Variants in ASB3 observed in about 807,000 individuals in gnomAD.
ASB3 encodes the protein ankyrin repeat and SOCS box containing 3.
ASB3 carries 41 observed loss-of-function variants against 54.5 expected under a neutral mutation model. That is an observed-to-expected ratio of 0.75 (90% CI 0.59 to 0.98). The LOEUF (loss-of-function observed/expected upper bound fraction) is 0.98. ASB3 is among the 50% of genes least tolerant of loss of function. ASB3 has a pLI of 0.00. For synonymous variants in ASB3, 266 were observed against 221.2 expected (o/e 1.20, Z -1.80); for missense variants, 733 against 620.0 (o/e 1.18, Z -1.94).
intron 9 of ASB3, among the ~76,000 whole-genome samples, chr2:53,670,954 GATCTGTTA>G (rs1286713949): frequency 6.6e-6 from 1 of 152,156 alleles, no homozygotes; most frequent in East Asian, 1.9e-4. Context: ...AAATTCTAAA[GATCTGTTA>G]ATACCTGCAC....
chr2:53,688,208 T>C (rs1240803700), intron 9 of ASB3, among the ~76,000 whole-genome samples: 1 of 152,244 alleles, frequency 6.6e-6, no homozygotes, highest in Non-Finnish European at 1.5e-5. Flanking sequence ...GGTTATGCTA[T>C]GCTAACAAAT....
intron 2 of ASB3, among the ~76,000 whole-genome samples, chr2:53,761,811 C>G (rs1203478512): frequency 6.6e-6 from 1 of 152,204 alleles, no homozygotes; most frequent in African/African-American, 2.4e-5. Flanking sequence ...AGTAATTGCA[C>G]TTCTAAAACT....
At chr2:53,678,467 A>G (rs1170849049) in intron 9 of ASB3, among the ~76,000 whole-genome samples, 8 of 152,236 alleles carry the variant, frequency 5.3e-5, no homozygotes, top group African/African-American at 1.9e-4. Context: ...TCTTTACAGA[A>G]ATCGTTTTAA....
At chr2:53,758,810 C>G (rs1200110462) in intron 2 of ASB3, among the ~76,000 whole-genome samples, 1 of 152,106 alleles carries the variant, frequency 6.6e-6, no homozygotes, top group Non-Finnish European at 1.5e-5. Context: ...TGCTGGCATC[C>G]CTATGTTCTT....
chr2:53,709,254 C>T (rs1228242009), intron 7 of ASB3, among the ~76,000 whole-genome samples: 1 of 152,184 alleles, frequency 6.6e-6, no homozygotes, highest in African/African-American at 2.4e-5. Flanking sequence ...CTCAAAGGGG[C>T]CCAGGTACAG....
intron 3 of ASB3, among the ~76,000 whole-genome samples, chr2:53,746,024 G>A (rs556661004): frequency 6.6e-6 from 1 of 152,320 alleles, no homozygotes; most frequent in Admixed American, 6.5e-5. Context: ...GATTGTCCAA[G>A]TGCAGTGGCT....
intron 2 of ASB3, among the ~76,000 whole-genome samples, chr2:53,757,347 T>A (rs1419011363): frequency 1.3e-5 from 2 of 152,322 alleles, no homozygotes; most frequent in Non-Finnish European, 1.5e-5. Context: ...TGCTTTCAAT[T>A]TTCCTGGGGA....
intron 5 of ASB3, among the ~76,000 whole-genome samples, chr2:53,728,431 C>T (rs1158215932): frequency 6.6e-6 from 1 of 152,180 alleles, no homozygotes; most frequent in African/African-American, 2.4e-5. Flanking sequence ...CAAGTCCCTA[C>T]AGGAAAGGAC....
At chr2:53,700,662 C>G in intron 7 of ASB3, 134 bp from the exon 8 acceptor site, 1 of 1,273,610 alleles carries the variant, frequency 7.9e-7, no homozygotes, top group South Asian at 1.6e-5. Context: ...TTCTACACAT[C>G]TAGTGGATTG....
intron 3 of ASB3, among the ~76,000 whole-genome samples, chr2:53,747,376 T>C (rs942699326): frequency 6.6e-6 from 1 of 152,034 alleles, no homozygotes; most frequent in South Asian, 2.1e-4. Flanking sequence ...TGAAACCCCA[T>C]CTCTACTAAA....
chr2:53,764,271 C>T (rs983237340), intron 2 of ASB3, among the ~76,000 whole-genome samples: 1 of 152,068 alleles, frequency 6.6e-6, no homozygotes, highest in African/African-American at 2.4e-5. Flanking sequence ...TTATAGTCAA[C>T]CTCATTTTAA....
In ASB3 at chr2:53,771,469, C is replaced by T. The variant is rs188820689; in HGVS notation, c.-13-5884G>A. ...TGGAGGTTGCAGTGAGCCAAGATCG[C>T]ACCACTGCACTCCAGCCTGGGCTTG... On this transcript the variant is annotated intron_variant, in intron 1 of 9. Transcript: ENST00000263634. Among the ~76,000 whole-genome samples, 22 of 152,156 alleles carry T rather than the reference C, an allele frequency of 1.4e-4. No individual in the cohort carries two copies. In the East Asian group the frequency reaches 1.9e-3, roughly 13 times the overall value.
chr2:53,779,465 C>A (rs1210139490), intron 1 of ASB3, among the ~76,000 whole-genome samples: 1 of 151,942 alleles, frequency 6.6e-6, no homozygotes, highest in Non-Finnish European at 1.5e-5. Flanking sequence ...AAGACAGGGT[C>A]TCGCTCTGTT....
At chr2:53,705,299 A>G (rs963565985) in intron 7 of ASB3, among the ~76,000 whole-genome samples, 3 of 152,214 alleles carry the variant, frequency 2.0e-5, no homozygotes, top group Non-Finnish European at 2.9e-5. Flanking sequence ...AAAATCGCTC[A>G]TATGCCCTTT....
At position 53,742,710 on chromosome 2, in the gene ASB3, T is replaced by A. The variant is rs957566179; in HGVS notation, c.355+8073A>T. On this transcript the variant is annotated intron_variant, in intron 3 of 9. Transcript: ENST00000263634. ...AAAGAAACACTAGACAGAATAGACA[T>A]TTCTGAAGAGGAACATAGAGGCTTA... is the stretch of plus-strand genomic sequence containing the variant. Among the ~76,000 whole-genome samples, 3 of 148,822 alleles carry A rather than the reference T, an allele frequency of 2.0e-5. 1 individual carries two copies. The highest frequency in any genetic ancestry group is 2.0e-4 in the Admixed American group (3 of 14,908).
chr2:53,755,828 T>A (rs1672783416), intron 2 of ASB3, among the ~76,000 whole-genome samples: 1 of 152,062 alleles, frequency 6.6e-6, no homozygotes, highest in Non-Finnish European at 1.5e-5. Context: ...ACCGAAGGAT[T>A]AATATCCAGA....
intron 3 of ASB3, among the ~76,000 whole-genome samples, chr2:53,730,058 C>G (rs1671213760): frequency 6.6e-6 from 1 of 152,068 alleles, no homozygotes; most frequent in Non-Finnish European, 1.5e-5. Context: ...TCAAAATGTT[C>G]TTATATCCAT....
intron 7 of ASB3, among the ~76,000 whole-genome samples, chr2:53,705,072 T>C (rs1280368925): frequency 6.6e-6 from 1 of 152,214 alleles, no homozygotes; most frequent in Non-Finnish European, 1.5e-5. Flanking sequence ...CTACGTCTCT[T>C]TGACCTTAAA....
intron 7 of ASB3, among the ~76,000 whole-genome samples, chr2:53,701,278 TA>T (rs1181663565): frequency 6.6e-6 from 1 of 152,112 alleles, no homozygotes; most frequent in Non-Finnish European, 1.5e-5. Flanking sequence ...ATAATGGTAT[TA>T]AAAAAAATTT....
Sources: gnomAD v4.1 joint callset for allele counts (sites outside exome capture counted in the v4.1 genomes callset) on GRCh38, gnomAD v4.1.1 for gene constraint, MANE v1.5 for transcripts, NCBI Gene and HGNC (gene_info 2026-07-23, HGNC 2026-07-21) for gene names.